ADAM9: variants seen among roughly 807,000 people sequenced by gnomAD.
The protein encoded by ADAM9 is ADAM metallopeptidase domain 9.
In ADAM9, 54 loss-of-function variants were observed where a neutral mutation model predicts 108.1. The observed-to-expected ratio is 0.50, with a 90% CI of 0.40 to 0.63. The LOEUF (loss-of-function observed/expected upper bound fraction) is 0.63. Among genes scored for constraint, ADAM9 ranks in the 20% least tolerant of loss-of-function variants. The pLI is 0.00. For missense variants in ADAM9, 830 were observed against 997.7 expected (o/e 0.83, Z 2.26); for synonymous variants, 316 against 336.0 (o/e 0.94, Z 0.65).
chr8:39,045,118 G>GTGTGCATACATACATATA (rs1837623261), intron 12 of ADAM9, among the ~76,000 whole-genome samples: 2 of 72,016 alleles, frequency 2.8e-5, no homozygotes, highest in South Asian at 4.2e-4. Flanking sequence ...ACATACATAT[G>GTGTGCATACATACATATA]TGTGTGTGCA....
chr8:39,018,686 C>A, intron 6 of ADAM9, 167 bp from the exon 7 acceptor site: 1 of 670,494 alleles, frequency 1.5e-6, no homozygotes, highest in Non-Finnish European at 2.6e-6. Flanking sequence ...CACTAAGAAG[C>A]AGATAACACT....
At chr8:39,078,011 A>G (rs1321838655) in intron 16 of ADAM9, among the ~76,000 whole-genome samples, 1 of 152,116 alleles carries the variant, frequency 6.6e-6, no homozygotes, top group African/African-American at 2.4e-5. Flanking sequence ...CATATACAAG[A>G]GATATGAGGG....
intron 15 of ADAM9, among the ~76,000 whole-genome samples, chr8:39,073,138 G>A (rs1169242903): frequency 6.6e-6 from 1 of 152,162 alleles, no homozygotes; most frequent in African/African-American, 2.4e-5. Flanking sequence ...GAAAGAAAAA[G>A]TATATTCTGC....
chr8:39,058,253 A>G (rs1372988972), intron 14 of ADAM9, among the ~76,000 whole-genome samples: 1 of 152,230 alleles, frequency 6.6e-6, no homozygotes, highest in Non-Finnish European at 1.5e-5. Flanking sequence ...ACACACATAC[A>G]CACATGCAGC....
At chr8:39,048,509 G>GA (rs1431438928) in intron 12 of ADAM9, among the ~76,000 whole-genome samples, 1 of 152,162 alleles carries the variant, frequency 6.6e-6, no homozygotes, top group African/African-American at 2.4e-5. Flanking sequence ...TGAGCCTGGA[G>GA]AGAGTTCCAT....
rs780441946 is a variant in ADAM9, at chr8:38,997,048, T to G, written c.-16T>G. On this transcript the variant is annotated 5_prime_UTR_variant, in exon 1 of 22. Transcript: ENST00000487273. ...AGGCGACCGAGTGCTGAGAGGAACC[T>G]GCGGAATCGGCCGAGATGGGGTCTG... 8 of 1,605,054 alleles carry G rather than the reference T, an allele frequency of 5.0e-6. No homozygotes were observed. The highest frequency in any genetic ancestry group is 2.7e-5 in the African/African-American group (2 of 74,508).
chr8:39,054,601 G>T, intron 13 of ADAM9, 28 bp downstream of exon 13: 6 of 752,296 alleles, frequency 8.0e-6, no homozygotes, highest in Non-Finnish European at 1.1e-5. Flanking sequence ...TTTGGAAACA[G>T]GAAAAAAAAA....
Position 39,083,630 on chromosome 8 carries a change from A to G in ADAM9, c.2068+557A>G, listed in dbSNP as rs144879573. Among the ~76,000 whole-genome samples the G allele has an allele frequency of 3.9e-4, 59 of 152,262 alleles. No individual in the cohort carries two copies. The East Asian group carries it at 0.011, about 27-fold the overall frequency. On this transcript the variant is annotated intron_variant, in intron 18 of 21. Transcript: ENST00000487273. Reference sequence around the variant, plus strand: ...AATTGCTATTTAGGTTTCAGATTATACCTCATTTTCTAAAGAAAGTTTCCC... The same window carrying G: ...AATTGCTATTTAGGTTTCAGATTATGCCTCATTTTCTAAAGAAAGTTTCCC...
intron 12 of ADAM9, among the ~76,000 whole-genome samples, chr8:39,043,425 T>C (rs1837514811): frequency 6.6e-6 from 1 of 152,186 alleles, no homozygotes; most frequent in Non-Finnish European, 1.5e-5. Flanking sequence ...TCCACATTCT[T>C]GCCGACACTT....
intron 1 of ADAM9, among the ~76,000 whole-genome samples, chr8:39,002,109 G>A (rs1836013828): frequency 6.7e-6 from 1 of 149,718 alleles, no homozygotes; most frequent in African/African-American, 2.5e-5. Flanking sequence ...AAATAATAGT[G>A]CTTTGTAGAT....
At chr8:39,075,049 G>A (rs1233631168) in intron 15 of ADAM9, among the ~76,000 whole-genome samples, 1 of 151,816 alleles carries the variant, frequency 6.6e-6, no homozygotes, top group African/African-American at 2.4e-5. Flanking sequence ...TAGGACTACA[G>A]GTGTGCACCA....
chr8:39,071,672 G>T (rs994576651), intron 15 of ADAM9, among the ~76,000 whole-genome samples: 2 of 151,998 alleles, frequency 1.3e-5, no homozygotes, highest in East Asian at 3.9e-4. Flanking sequence ...TCACCATGTT[G>T]GCCAGGATGG....
chr8:39,050,802 T>C (rs1837932704), intron 12 of ADAM9, among the ~76,000 whole-genome samples: 1 of 151,840 alleles, frequency 6.6e-6, no homozygotes, highest in Admixed American at 6.6e-5. Context: ...GTCCAACAGT[T>C]TCTCTTTCCA....
intron 19 of ADAM9, among the ~76,000 whole-genome samples, chr8:39,090,503 G>T (rs148976308): frequency 6.6e-6 from 1 of 152,302 alleles, no homozygotes; most frequent in East Asian, 1.9e-4. Context: ...AATGCTGATA[G>T]TCATATCACC....
At chr8:39,047,836 C>G (rs1234008267) in intron 12 of ADAM9, among the ~76,000 whole-genome samples, 2 of 146,850 alleles carry the variant, frequency 1.4e-5, no homozygotes, top group African/African-American at 5.0e-5. Flanking sequence ...TTTAAATTTT[C>G]TGTTGCTTTT....
At chr8:39,095,343 T>G (rs1464839778) in intron 20 of ADAM9, among the ~76,000 whole-genome samples, 2 of 152,222 alleles carry the variant, frequency 1.3e-5, no homozygotes. Context: ...AAACCCGTGT[T>G]GCTTAAGTGT....
chr8:39,104,031 G>T lies in ADAM9; in HGVS notation c.*331G>T, dbSNP rs4733973. 493,748 of 501,936 alleles carry T rather than the reference G, an allele frequency of 0.98. 243,322 individuals carry two copies. The highest frequency in any genetic ancestry group is 1 in the East Asian group (18,134 of 18,134). The allele number at this position is 501,936 out of a possible 1,614,324, so 31.1% of individuals were successfully genotyped here. A position where few individuals can be genotyped will look rare whatever the true frequency, so the allele number is the denominator to read the frequency against. On this transcript the variant is annotated 3_prime_UTR_variant, in exon 22 of 22. Coordinates refer to ENST00000487273, the MANE Select transcript of ADAM9 (RefSeq NM_003816.3). ...TCAAATTAACTGTATTGGTGTAAGA[G>T]TTTTGTCATTAAGTGTTTAAGTGTT...
intron 14 of ADAM9, among the ~76,000 whole-genome samples, chr8:39,068,139 T>G (rs1339499858): frequency 1.3e-5 from 2 of 152,194 alleles, no homozygotes; most frequent in Non-Finnish European, 2.9e-5. Context: ...GTTTCCATCT[T>G]TCACATTAGC....
intron 6 of ADAM9, 23 bp downstream of exon 6, chr8:39,017,437 C>CA (rs780602832): frequency 6.2e-7 from 1 of 1,604,366 alleles, no homozygotes; most frequent in Non-Finnish European, 8.5e-7. Context: ...CATAATTCTT[C>CA]ATGGCTCAGA....
Sources: gnomAD v4.1 joint callset for allele counts (sites outside exome capture counted in the v4.1 genomes callset) on GRCh38, gnomAD v4.1.1 for gene constraint, MANE v1.5 for transcripts, NCBI Gene and HGNC (gene_info 2026-07-23, HGNC 2026-07-21) for gene names.